ASIC2: variants seen among roughly 807,000 people sequenced by gnomAD.
ASIC2 encodes the protein acid-sensing ion channel 2.
A neutral mutation model predicts 57.3 loss-of-function variants in ASIC2; 25 were observed. The observed-to-expected ratio is 0.44, with a 90% CI of 0.32 to 0.61. ASIC2 has a LOEUF of 0.61. ASIC2 is among the 20% of genes least tolerant of loss of function. ASIC2 has a pLI of 0.06. For missense variants in ASIC2, 641 were observed against 738.1 expected (o/e 0.87, Z 1.52); for synonymous variants, 319 against 307.5 (o/e 1.04, Z -0.39).
intron 1 of ASIC2, among the ~76,000 whole-genome samples, chr17:33,921,839 A>G (rs923662507): frequency 6.6e-6 from 1 of 152,128 alleles, no homozygotes. Flanking sequence ...CATTATGGGG[A>G]ATTTTCCCAG....
intron 1 of ASIC2, among the ~76,000 whole-genome samples, chr17:34,074,788 T>C (rs1271575948): frequency 6.9e-6 from 1 of 145,462 alleles, no homozygotes; most frequent in Non-Finnish European, 1.5e-5. Flanking sequence ...CTTTCTTTTT[T>C]TTTTTTTTTT....
chr17:33,245,838 G>A (rs141321887), intron 1 of ASIC2, among the ~76,000 whole-genome samples: 2 of 152,296 alleles, frequency 1.3e-5, no homozygotes, highest in Admixed American at 6.5e-5. Flanking sequence ...GCCCCATAAG[G>A]GGTTTGGGAG....
chr17:33,192,369 G>A (rs1440008255), intron 1 of ASIC2, among the ~76,000 whole-genome samples: 2 of 151,762 alleles, frequency 1.3e-5, no homozygotes, highest in African/African-American at 4.8e-5. Flanking sequence ...GGCAAGAAGA[G>A]CAAAACTCAG....
intron 1 of ASIC2, among the ~76,000 whole-genome samples, chr17:33,469,401 G>T (rs888844556): frequency 6.6e-6 from 1 of 152,206 alleles, no homozygotes; most frequent in Non-Finnish European, 1.5e-5. Flanking sequence ...GGCCCTGCAG[G>T]TTCCACAGCA....
At chr17:34,125,566 C>T (rs996125371) in intron 1 of ASIC2, among the ~76,000 whole-genome samples, 1 of 152,138 alleles carries the variant, frequency 6.6e-6, no homozygotes, top group African/African-American at 2.4e-5. Flanking sequence ...ACCCAAATGA[C>T]AGTGCCAGAC....
At chr17:33,510,935 A>C (rs1257052629) in intron 1 of ASIC2, among the ~76,000 whole-genome samples, 1 of 152,232 alleles carries the variant, frequency 6.6e-6, no homozygotes, top group African/African-American at 2.4e-5. Flanking sequence ...CACCCTCCGC[A>C]GTAAGGCCGT....
chr17:33,059,787 G>T (rs532900902), intron 3 of ASIC2, among the ~76,000 whole-genome samples: 1 of 152,200 alleles, frequency 6.6e-6, no homozygotes, highest in South Asian at 2.1e-4. Context: ...CAGTGTAAAA[G>T]TGTTCCTATT....
intron 1 of ASIC2, among the ~76,000 whole-genome samples, chr17:33,571,561 A>G (rs1916444139): frequency 6.6e-6 from 1 of 152,220 alleles, no homozygotes; most frequent in South Asian, 2.1e-4. Context: ...GCCCAGAAAC[A>G]TGTTATTTAG....
intron 1 of ASIC2, among the ~76,000 whole-genome samples, chr17:33,235,415 G>A (rs187067001): frequency 2.6e-5 from 4 of 152,322 alleles, no homozygotes; most frequent in Admixed American, 1.3e-4. Flanking sequence ...TCATGCATGG[G>A]CTGGGAATTG....
At chr17:33,663,654 G>A (rs981537640) in intron 1 of ASIC2, among the ~76,000 whole-genome samples, 1 of 152,146 alleles carries the variant, frequency 6.6e-6, no homozygotes, top group Non-Finnish European at 1.5e-5. Context: ...GTACCATGTG[G>A]TAGGGGAACT....
chr17:33,378,080 GA>G (rs1909345945), intron 1 of ASIC2, among the ~76,000 whole-genome samples: 1 of 152,242 alleles, frequency 6.6e-6, no homozygotes, highest in Non-Finnish European at 1.5e-5. Flanking sequence ...GCATGGCATA[GA>G]GGCTGTGAAG....
intron 1 of ASIC2, among the ~76,000 whole-genome samples, chr17:34,042,675 T>C (rs1263431885): frequency 6.6e-6 from 1 of 152,226 alleles, no homozygotes; most frequent in Non-Finnish European, 1.5e-5. Flanking sequence ...TCCGAACTTA[T>C]CAAATTGTAT....
At chr17:33,551,659 C>G (rs899989989) in intron 1 of ASIC2, among the ~76,000 whole-genome samples, 1 of 152,182 alleles carries the variant, frequency 6.6e-6, no homozygotes, top group African/African-American at 2.4e-5. Context: ...ACCCCCAGCT[C>G]TCTCCAAAAA....
At chr17:33,755,674 T>C (rs2637352) in intron 1 of ASIC2, among the ~76,000 whole-genome samples, 51,685 of 152,100 alleles carry the variant, frequency 0.34, 10,698 homozygotes, top group Non-Finnish European at 0.49. Context: ...TAGTTCTTGG[T>C]CTTCAAGGAG....
chr17:34,029,591 T>C (rs1303090237), intron 1 of ASIC2, among the ~76,000 whole-genome samples: 3 of 152,134 alleles, frequency 2.0e-5, no homozygotes, highest in Admixed American at 2.0e-4. Context: ...TGGAAGACAA[T>C]TGAGGTTAAA....
intron 3 of ASIC2, among the ~76,000 whole-genome samples, chr17:33,049,992 A>C (rs1463878943): frequency 1.3e-5 from 2 of 152,054 alleles, no homozygotes; most frequent in Non-Finnish European, 2.9e-5. Flanking sequence ...GTTGCCTCCT[A>C]GTGGTCCCAA....
rs143152104 is a variant in ASIC2 at position 33,660,592 on chromosome 17, G to T, written c.555+495386C>A. Among the ~76,000 whole-genome samples the T allele has an allele frequency of 2.4e-3, 369 of 152,218 alleles. 4 individuals carry two copies. Among genetic ancestry groups the T allele is most frequent in the African/African-American group, 8.6e-3 (359 of 41,516 alleles). Reference sequence around the variant, plus strand: ...AGTATAATAAATACATAAACCAGTAGCACAGTCATTTATTAAATATTATTT... The same window carrying T: ...AGTATAATAAATACATAAACCAGTATCACAGTCATTTATTAAATATTATTT... On this transcript the variant is annotated intron_variant, in intron 1 of 9. Transcript: ENST00000359872.
chr17:33,681,878 C>G (rs1013432651), intron 1 of ASIC2, among the ~76,000 whole-genome samples: 3 of 152,180 alleles, frequency 2.0e-5, no homozygotes, highest in Non-Finnish European at 4.4e-5. Flanking sequence ...ATGCTGACAT[C>G]TCTAGTGTCG....
chr17:33,135,460 A>G (rs62069665), intron 1 of ASIC2, among the ~76,000 whole-genome samples: 6,349 of 152,222 alleles, frequency 0.042, 187 homozygotes, highest in East Asian at 0.083. Context: ...CCATCTCTCC[A>G]TTTGACTCCA....
Sources: allele counts gnomAD v4.1 joint callset (sites outside exome capture counted in the v4.1 genomes callset), GRCh38; gene constraint gnomAD v4.1.1; transcripts MANE v1.5; gene names NCBI Gene and HGNC (gene_info 2026-07-23, HGNC 2026-07-21).